The following PRKAG2 variants were observed in gnomAD, a reference collection of about 807,000 sequenced individuals.
PRKAG2 encodes the protein 5'-AMP-activated protein kinase subunit gamma-2.
In PRKAG2, 26 loss-of-function variants were observed where a neutral mutation model predicts 69.6. The ratio of observed to expected loss-of-function variants is 0.37; its 90% CI spans 0.27 to 0.52. The LOEUF (loss-of-function observed/expected upper bound fraction) is 0.52. Ranked by LOEUF, PRKAG2 falls within the 20% of genes least tolerant of loss-of-function variation. The probability of loss-of-function intolerance (pLI) is 0.90; values close to 1 mark genes in which losing one functional copy is unlikely to be tolerated. For missense variants in PRKAG2, 557 were observed against 740.0 expected (o/e 0.75, Z 2.87); for synonymous variants, 293 against 285.0 (o/e 1.03, Z -0.28).
intron 11 of PRKAG2, chr7:151,566,542 C>A: frequency 2.3e-6 from 1 of 442,088 alleles, no homozygotes. Flanking sequence ...TTGAGTATAA[C>A]AAAATAAGGT....
intron 4 of PRKAG2, among the ~76,000 whole-genome samples, chr7:151,635,217 C>T (rs1825537223): frequency 6.6e-6 from 1 of 152,216 alleles, no homozygotes; most frequent in African/African-American, 2.4e-5. Flanking sequence ...TCCCAAAGTG[C>T]TGGGATTACA....
chr7:151,868,502 T>G (rs1386172278), intron 1 of PRKAG2, among the ~76,000 whole-genome samples: 7 of 152,280 alleles, frequency 4.6e-5, no homozygotes, highest in Non-Finnish European at 1.0e-4. Flanking sequence ...GTCACCACTC[T>G]GTTTCAACGT....
At chr7:151,570,355 A>C in intron 9 of PRKAG2, 130 bp from the exon 10 acceptor site, 1 of 1,048,342 alleles carries the variant, frequency 9.5e-7, no homozygotes, top group African/African-American at 1.6e-5. Context: ...AAAGAAATTT[A>C]ATTTGCCTAA....
intron 1 of PRKAG2, among the ~76,000 whole-genome samples, chr7:151,860,025 G>C (rs1038963136): frequency 1.3e-5 from 2 of 152,164 alleles, no homozygotes; most frequent in African/African-American, 2.4e-5. Flanking sequence ...CTGGGCTGAC[G>C]GAGGTGGCCG....
intron 6 of PRKAG2, among the ~76,000 whole-genome samples, chr7:151,579,103 C>T (rs1809727571): frequency 1.3e-5 from 2 of 152,164 alleles, no homozygotes; most frequent in Admixed American, 6.5e-5. Flanking sequence ...TGCACCCCTC[C>T]CCGCTGCCCC....
intron 5 of PRKAG2, among the ~76,000 whole-genome samples, chr7:151,626,538 C>A (rs1339891189): frequency 6.6e-6 from 1 of 152,134 alleles, no homozygotes; most frequent in African/African-American, 2.4e-5. Flanking sequence ...GATAATCACC[C>A]GAGCCTTCTC....
intron 3 of PRKAG2, among the ~76,000 whole-genome samples, chr7:151,776,948 A>G (rs1024702330): frequency 6.6e-6 from 1 of 152,164 alleles, no homozygotes; most frequent in African/African-American, 2.4e-5. Context: ...CCTCATCCCC[A>G]GGACCCCTTG....
chr7:151,626,961 G>T (rs1241395301), intron 5 of PRKAG2, among the ~76,000 whole-genome samples: 4 of 152,082 alleles, frequency 2.6e-5, no homozygotes, highest in Non-Finnish European at 5.9e-5. Context: ...CTTACTCAGG[G>T]TGTTACTCAC....
chr7:151,735,892 A>C (rs1370283318), intron 3 of PRKAG2: 1 of 1,536,120 alleles, frequency 6.5e-7, no homozygotes, highest in Non-Finnish European at 8.7e-7. Flanking sequence ...GAATGGGCAG[A>C]GTCCTACCGA....
chr7:151,781,420 G>A lies in PRKAG2; in HGVS notation c.198C>T (p.Pro66=). 1 of 1,607,364 alleles carries A rather than the reference G, an allele frequency of 6.2e-7. No individual in the cohort carries two copies. The highest frequency in any genetic ancestry group is 8.5e-7 in the Non-Finnish European group (1 of 1,177,334). ...GKHSSRKVDS[P]FGPGSPSKGF... ...CTTTGGAGGGGCTGCCCGGGCCGAA[G>A]GGGCTGTCCACCTGCAGAAAAACAG... The change falls in exon 3 of 16, where the codon CCC becomes CCT. Residue 66 remains proline (P), a synonymous_variant. Transcript: ENST00000287878. The surrounding 1 kb of genome is among the most constrained non-coding windows in gnomAD (Gnocchi z 6.1).
chr7:151,711,512 G>T (rs2727556), intron 3 of PRKAG2, among the ~76,000 whole-genome samples: 57,196 of 152,078 alleles, frequency 0.38, 12,231 homozygotes, highest in East Asian at 0.82. Context: ...TACCAGTGAT[G>T]ACTAAGCACT....
At position 151,814,249 on chromosome 7, in the gene PRKAG2, C is replaced by G. The variant is rs536646678; in HGVS notation, c.115-27708G>C. 6.6e-6 allele frequency among the ~76,000 whole-genome samples: 1 copy of G among 152,312 alleles called. No homozygotes were observed. Among genetic ancestry groups the G allele is most frequent in the African/African-American group, 2.4e-5 (1 of 41,576 alleles). ...CCGTGGAGAGAAGGAACATTTTGCTCAGCCTTGGGGTATCTGATTTAATAA... is the reference window on the plus strand; with the variant it reads ...CCGTGGAGAGAAGGAACATTTTGCTGAGCCTTGGGGTATCTGATTTAATAA... On this transcript the variant is annotated intron_variant, in intron 1 of 15. Coordinates refer to ENST00000287878, the MANE Select transcript of PRKAG2 (RefSeq NM_016203.4). The surrounding 1 kb of genome is among the most constrained non-coding windows in gnomAD (Gnocchi z 4.8).
chr7:151,831,106 T>G (rs2079017249), intron 1 of PRKAG2, among the ~76,000 whole-genome samples: 2 of 152,136 alleles, frequency 1.3e-5, no homozygotes, highest in African/African-American at 4.8e-5. Context: ...ACAAATAAAT[T>G]GCAATCCTCA....
At chr7:151,735,853 C>G in intron 3 of PRKAG2, 1 of 1,535,632 alleles carries the variant, frequency 6.5e-7, no homozygotes, top group Non-Finnish European at 8.7e-7. Flanking sequence ...GTGGGGTTCC[C>G]TCCCAAGGAC....
intron 7 of PRKAG2, among the ~76,000 whole-genome samples, chr7:151,575,748 T>C (rs906651924): frequency 1.3e-5 from 2 of 152,066 alleles, no homozygotes; most frequent in Non-Finnish European, 2.9e-5. Context: ...GACTGTGGTG[T>C]CCTACGTGGG....
At chr7:151,726,046 C>T (rs1015743042) in intron 3 of PRKAG2, among the ~76,000 whole-genome samples, 7 of 152,092 alleles carry the variant, frequency 4.6e-5, no homozygotes, top group East Asian at 1.9e-4. Flanking sequence ...AGGCTGAGCC[C>T]GAGGAAGCAG....
chr7:151,661,240 C>G (rs1381664042), intron 4 of PRKAG2, among the ~76,000 whole-genome samples: 3 of 152,180 alleles, frequency 2.0e-5, no homozygotes, highest in Non-Finnish European at 4.4e-5. Flanking sequence ...GGCTGGAGTG[C>G]AGTGGTGCAA....
rs552821491 is a variant in PRKAG2 at position 151,775,377 on chromosome 7, C to G, written c.466+5775G>C. ...GACACAGACTAGGACTTCTCTGGAT[C>G]TCTTGGAAAGATCCACGAATTCTTG... On this transcript the variant is annotated intron_variant, in intron 3 of 15. Coordinates refer to ENST00000287878, the MANE Select transcript of PRKAG2 (RefSeq NM_016203.4). Among the ~76,000 whole-genome samples the G allele has an allele frequency of 1.2e-3, 185 of 152,320 alleles. 1 individual carries two copies. Among genetic ancestry groups the G allele is most frequent in the Non-Finnish European group, 1.5e-3 (100 of 68,020 alleles).
chr7:151,705,316 G>A lies in PRKAG2; in HGVS notation c.467-29679C>T, dbSNP rs541965686. Among the ~76,000 whole-genome samples, 10 of 137,934 alleles carry A rather than the reference G, an allele frequency of 7.2e-5. 1 individual carries two copies. The South Asian group carries it at 2.2e-3, about 30-fold the overall frequency. The allele number at this position is 137,934 out of a possible 152,430, so 90.5% of individuals were successfully genotyped here. ...TCTCGAGCAACACCAAGGAAACAAG[G>A]GATTATGGTGTTTTTTCTCTTTTCT... On this transcript the variant is annotated intron_variant, in intron 3 of 15. Coordinates refer to ENST00000287878, the MANE Select transcript of PRKAG2 (RefSeq NM_016203.4).
Sources: gnomAD v4.1 joint callset for allele counts (sites outside exome capture counted in the v4.1 genomes callset) on GRCh38, gnomAD v4.1.1 for gene constraint, Gnocchi (gnomAD v3.1) non-coding constraint, MANE v1.5 for transcripts, NCBI Gene and HGNC (gene_info 2026-07-23, HGNC 2026-07-21) for gene names.